ZFYVE1: variants seen among roughly 807,000 people sequenced by gnomAD.
The protein encoded by ZFYVE1 is zinc finger FYVE-type containing 1.
A neutral mutation model predicts 74.4 loss-of-function variants in ZFYVE1; 30 were observed. The ratio of observed to expected loss-of-function variants is 0.40; its 90% confidence interval spans 0.30 to 0.55. The LOEUF is 0.55. Among genes scored for constraint, ZFYVE1 ranks in the 20% least tolerant of loss-of-function variants. The probability of loss-of-function intolerance (pLI) is 0.42; values close to 1 mark genes in which losing one functional copy is unlikely to be tolerated. For missense variants in ZFYVE1, 703 were observed against 1,011.6 expected (o/e 0.69, Z 4.14); for synonymous variants, 335 against 385.1 (o/e 0.87, Z 1.52).
At chr14:72,977,667 C>T (rs1893210114) in intron 8 of ZFYVE1, among the ~76,000 whole-genome samples, 1 of 151,966 alleles carries the variant, frequency 6.6e-6, no homozygotes, top group South Asian at 2.1e-4. Flanking sequence ...CATGCAAAAA[C>T]GTTTTATTTG....
chr14:73,011,155 T>G (rs1306585459), intron 2 of ZFYVE1, among the ~76,000 whole-genome samples: 7 of 147,426 alleles, frequency 4.7e-5, no homozygotes, highest in Admixed American at 2.7e-4. Context: ...TTAAAAAAAT[T>G]AAAAGCTCAC....
intron 10 of ZFYVE1, 66 bp from the exon 11 acceptor site, chr14:72,974,259 C>A: frequency 6.9e-7 from 1 of 1,454,800 alleles, no homozygotes; most frequent in Non-Finnish European, 9.6e-7. Flanking sequence ...AACTCAGGGA[C>A]CAATAGCAGA....
At chr14:73,016,699 T>C (rs893932407) in intron 2 of ZFYVE1, among the ~76,000 whole-genome samples, 3 of 150,400 alleles carry the variant, frequency 2.0e-5, no homozygotes, top group Non-Finnish European at 3.0e-5. Context: ...CTGCCCAAAA[T>C]GGTGAAACCT....
At chr14:72,998,381 A>G in intron 2 of ZFYVE1, 66 bp from the exon 3 acceptor site, 3 of 1,393,458 alleles carry the variant, frequency 2.2e-6, no homozygotes, top group Non-Finnish European at 2.9e-6. Flanking sequence ...CACCTACAAG[A>G]AGAAGTGCTT....
intron 5 of ZFYVE1, 69 bp from the exon 6 acceptor site, chr14:72,979,038 G>T: frequency 1.4e-6 from 2 of 1,396,844 alleles, no homozygotes; most frequent in South Asian, 1.2e-5. Flanking sequence ...AGAACAGCCT[G>T]ACCCTGAGCC....
At chr14:72,979,652 TAAA>T (rs201080829) in intron 5 of ZFYVE1, among the ~76,000 whole-genome samples, 2 of 137,084 alleles carry the variant, frequency 1.5e-5, no homozygotes, top group Non-Finnish European at 1.6e-5. Flanking sequence ...ACTCTGTCTT[TAAA>T]AAAAAAAAAA....
chr14:72,986,669 C>T (rs1243790575), intron 4 of ZFYVE1, among the ~76,000 whole-genome samples: 2 of 151,270 alleles, frequency 1.3e-5, no homozygotes, highest in Non-Finnish European at 2.9e-5. Flanking sequence ...GCTGGGACTA[C>T]AGGCGCGTGC....
intron 2 of ZFYVE1, among the ~76,000 whole-genome samples, chr14:73,014,798 G>C (rs1263631123): frequency 6.6e-6 from 1 of 152,184 alleles, no homozygotes; most frequent in African/African-American, 2.4e-5. Context: ...TCTCAAACAA[G>C]AGGAGCTGGA....
At chr14:72,989,250 A>G (rs1893554438) in intron 4 of ZFYVE1, among the ~76,000 whole-genome samples, 1 of 152,222 alleles carries the variant, frequency 6.6e-6, no homozygotes, top group African/African-American at 2.4e-5. Flanking sequence ...CTATAAGCAT[A>G]TATAATAAAC....
chr14:72,993,240 G>A lies in ZFYVE1; in HGVS notation c.1106C>T (p.Thr369Met), dbSNP rs1157438772. The change falls in exon 4 of 12, where the codon ACG (threonine) becomes ATG (methionine). Residue 369 changes from threonine to methionine, a missense_variant. Thr to Met is a moderately conservative substitution (Grantham distance 81). Coordinates refer to ENST00000556143, the MANE Select transcript of ZFYVE1 (RefSeq NM_021260.4). ...AGCACGCCGAAGCCCAGAAAAGTCC[G>A]TGGGAGGGTTGTAAGTCCTCGTTCC... ...YKGTRTYNPPTDFSGLRRALE... is the reference protein window; with the variant it reads ...YKGTRTYNPPMDFSGLRRALE... 2.5e-6 allele frequency: 4 copies of A among 1,613,774 alleles called. No homozygotes were observed. The highest frequency in any genetic ancestry group is 2.2e-5 in the South Asian group (2 of 91,074).
In ZFYVE1 at chr14:72,969,471, AT is replaced by A; in HGVS notation, c.*1410del. On this transcript the variant is annotated 3_prime_UTR_variant, in exon 12 of 12. Coordinates refer to ENST00000556143, the MANE Select transcript of ZFYVE1 (RefSeq NM_021260.4). ...CGAGATGCAGGAAGATTCCTTTATGATGGCGAATTGGATGGTACACAGTTCT... is the reference window on the plus strand; with the variant it reads ...CGAGATGCAGGAAGATTCCTTTATGAGGCGAATTGGATGGTACACAGTTCT... 1 of 472,806 alleles carries A rather than the reference AT, an allele frequency of 2.1e-6. No homozygotes were observed. The highest frequency in any genetic ancestry group is 3.7e-6 in the Non-Finnish European group (1 of 269,078). 29.3% of individuals were successfully genotyped at this position (472,806 alleles called of 1,614,324 possible). A position where few individuals can be genotyped will look rare whatever the true frequency, so the allele number is the denominator to read the frequency against.
chr14:73,000,005 G>C (rs960365051), intron 2 of ZFYVE1, among the ~76,000 whole-genome samples: 7 of 152,192 alleles, frequency 4.6e-5, no homozygotes, highest in Non-Finnish European at 1.0e-4. Flanking sequence ...ACTGCAGTGA[G>C]CCGAGATTGT....
intron 2 of ZFYVE1, among the ~76,000 whole-genome samples, chr14:73,014,293 C>T (rs905924785): frequency 2.0e-5 from 3 of 152,186 alleles, no homozygotes; most frequent in African/African-American, 7.2e-5. Flanking sequence ...GCTGAAAAAG[C>T]TCACAAGACA....
chr14:72,975,639 T>C lies in ZFYVE1; in HGVS notation c.1718A>G (p.Glu573Gly), dbSNP rs1251136191. Residue 573 changes from glutamate to glycine, a missense_variant, in exon 9 of 12, where the codon GAG becomes GGG. By Grantham distance (98) the Glu-to-Gly change is moderately conservative (BLOSUM62 -2). Transcript: ENST00000556143. The surrounding 1 kb of genome is among the most constrained non-coding windows in gnomAD (Gnocchi z 4.1). ...GMNFMAQSVS[E>G]LSLGPTKAVT... ...AGCCTTGGTGGGTCCAAGGCTAAGC[T>C]CGGACACCGACTGAGCCATGAAGTT... 6.2e-7 allele frequency: 1 copy of C among 1,614,154 alleles called. No individual in the cohort carries two copies.
In ZFYVE1 at chr14:72,977,980, G is replaced by C. The variant is rs752066091; in HGVS notation, c.1582C>G (p.Gln528Glu). Reference protein sequence around the residue: ...YRSRQYWFGNQDPVDTVVRTE... With the variant: ...YRSRQYWFGNEDPVDTVVRTE... The stretch of plus-strand genomic sequence containing the variant: ...CGCACCACCGTATCCACAGGATCTT[G>C]GTTTCCAAACCAGTACTGCCGACTA... The change falls in exon 8 of 12, where the codon CAA becomes GAA. Residue 528 changes from glutamine to glutamate, a missense_variant. Gln to Glu is a conservative substitution (Grantham distance 29). Transcript: ENST00000556143. 3.8e-5 allele frequency: 61 copies of C among 1,614,056 alleles called. No individual in the cohort carries two copies. The highest frequency in any genetic ancestry group is 4.9e-5 in the Non-Finnish European group (58 of 1,180,050).
rs577792082 is a variant in ZFYVE1 at position 72,991,233 on chromosome 14, A to G, written c.1203+1910T>C. Among the ~76,000 whole-genome samples the G allele has an allele frequency of 5.4e-3, 678 of 126,022 alleles. 2 individuals carry two copies. The highest frequency in any genetic ancestry group is 0.011 in the Admixed American group (104 of 9,462). The allele number at this position is 126,022 out of a possible 152,430, so 82.7% of individuals were successfully genotyped here. ...GAGACGGAGTCTCGCTCTGTTGCCC[A>G]GGCTGGAGTGCAGTGGCGCCATCTC... On this transcript the variant is annotated intron_variant, in intron 4 of 11. Transcript: ENST00000556143.
chr14:73,002,647 A>C (rs1032162310), intron 2 of ZFYVE1, among the ~76,000 whole-genome samples: 2 of 151,878 alleles, frequency 1.3e-5, no homozygotes, highest in African/African-American at 4.8e-5. Flanking sequence ...AAAGCTCCTG[A>C]TTCAAAGAGC....
At chr14:72,998,419 G>T in intron 2 of ZFYVE1, 104 bp from the exon 3 acceptor site, 1 of 1,142,450 alleles carries the variant, frequency 8.8e-7, no homozygotes, top group Non-Finnish European at 1.2e-6. Context: ...TGATTGAATT[G>T]TCAAAGAAAG....
chr14:72,991,170 T>A (rs922635815), intron 4 of ZFYVE1, among the ~76,000 whole-genome samples: 1 of 149,204 alleles, frequency 6.7e-6, no homozygotes, highest in Non-Finnish European at 1.5e-5. Context: ...CAGTGCTCAG[T>A]GTCCCTGATG....
Sources: allele counts gnomAD v4.1 joint callset (sites outside exome capture counted in the v4.1 genomes callset), GRCh38; gene constraint gnomAD v4.1.1; non-coding constraint Gnocchi (gnomAD v3.1); transcripts MANE v1.5; gene names NCBI Gene and HGNC (gene_info 2026-07-23, HGNC 2026-07-21).